CACHD1: variants seen among roughly 807,000 people sequenced by gnomAD.
CACHD1 encodes the protein cache domain containing 1, also known as VWFA and cache domain-containing protein 1.
In CACHD1, 71 loss-of-function variants were observed where a neutral mutation model predicts 138.7. That is an observed-to-expected ratio of 0.51 (90% CI 0.42 to 0.62). The LOEUF (loss-of-function observed/expected upper bound fraction) is 0.62. Among genes scored for constraint, CACHD1 ranks in the 20% least tolerant of loss-of-function variants. The pLI is 0.00. For missense variants in CACHD1, 1,389 were observed against 1,625.3 expected (o/e 0.85, Z 2.50); for synonymous variants, 578 against 591.5 (o/e 0.98, Z 0.33).
At chr1:64,656,811 C>A (rs1649277328) in intron 12 of CACHD1, among the ~76,000 whole-genome samples, 1 of 151,414 alleles carries the variant, frequency 6.6e-6, no homozygotes, top group African/African-American at 2.4e-5. Flanking sequence ...AAAGGCTAGG[C>A]TGGTTACCCA....
In CACHD1 at chr1:64,470,964, C is replaced by G. The variant is rs1443566335; in HGVS notation, c.198+22C>G. ...GCAGGTAAGTGGCCCCCGAGCTGGC[C>G]AGACATCCCGCCTTTCTCCTTTGCT... On this transcript the variant is annotated intron_variant, in intron 1 of 26. Transcript: ENST00000651257. This position sits in a 1 kb window ranked among gnomAD's most constrained non-coding sequence, Gnocchi z 5.2. The G allele has an allele frequency of 6.4e-7, 1 of 1,572,150 alleles. No individual in the cohort carries two copies. The highest frequency in any genetic ancestry group is 8.6e-7 in the Non-Finnish European group (1 of 1,157,420).
intron 24 of CACHD1, among the ~76,000 whole-genome samples, chr1:64,680,755 A>C (rs1461457829): frequency 6.6e-6 from 1 of 152,172 alleles, no homozygotes; most frequent in African/African-American, 2.4e-5. Flanking sequence ...ATGTTAAAGC[A>C]TTTCACTATG....
intron 7 of CACHD1, among the ~76,000 whole-genome samples, chr1:64,638,873 A>G (rs1192747953): frequency 6.6e-6 from 1 of 152,188 alleles, no homozygotes; most frequent in Non-Finnish European, 1.5e-5. Flanking sequence ...GACAGATCTG[A>G]TAAGAATGGA....
intron 8 of CACHD1, among the ~76,000 whole-genome samples, chr1:64,644,241 TA>T (rs1342954951): frequency 1.3e-5 from 2 of 152,050 alleles, no homozygotes; most frequent in Non-Finnish European, 2.9e-5. Context: ...TCATGAGAGG[TA>T]GGAAGGGTGG....
chr1:64,661,367 A>G (rs1314132486), intron 13 of CACHD1, among the ~76,000 whole-genome samples: 1 of 152,180 alleles, frequency 6.6e-6, no homozygotes, highest in African/African-American at 2.4e-5. Flanking sequence ...CCTCCTAGAC[A>G]CAAAGCTTTG....
chr1:64,622,851 T>G (rs1647964766), intron 4 of CACHD1, among the ~76,000 whole-genome samples: 1 of 152,238 alleles, frequency 6.6e-6, no homozygotes, highest in Non-Finnish European at 1.5e-5. Context: ...AAAACAGTTT[T>G]ATTGAAGTAT....
At chr1:64,639,621 G>A (rs1335559325) in intron 7 of CACHD1, among the ~76,000 whole-genome samples, 1 of 152,152 alleles carries the variant, frequency 6.6e-6, no homozygotes, top group African/African-American at 2.4e-5. Context: ...AGTTATCTAT[G>A]ACATTCATAT....
chr1:64,576,903 G>T (rs1268242338), intron 2 of CACHD1, among the ~76,000 whole-genome samples: 6 of 147,896 alleles, frequency 4.1e-5, no homozygotes, highest in African/African-American at 7.4e-5. Flanking sequence ...GGGTTTGTTT[G>T]TTTGTTTTTT....
chr1:64,499,463 G>A (rs1646325192), intron 1 of CACHD1, among the ~76,000 whole-genome samples: 1 of 152,204 alleles, frequency 6.6e-6, no homozygotes, highest in Non-Finnish European at 1.5e-5. Context: ...GAGCTCAGTA[G>A]AACTTTTGCC....
chr1:64,663,334 C>T (rs763350363), intron 13 of CACHD1, among the ~76,000 whole-genome samples: 4 of 152,086 alleles, frequency 2.6e-5, no homozygotes, highest in South Asian at 2.1e-4. Context: ...AGGTGGATCA[C>T]GAGGTCAGGA....
chr1:64,507,122 T>C (rs1368246285), intron 1 of CACHD1, among the ~76,000 whole-genome samples: 1 of 152,254 alleles, frequency 6.6e-6, no homozygotes, highest in African/African-American at 2.4e-5. Flanking sequence ...GTTTCACACA[T>C]CATGCTTTGA....
chr1:64,517,578 C>G (rs2100365084), intron 1 of CACHD1, among the ~76,000 whole-genome samples: 1 of 152,170 alleles, frequency 6.6e-6, no homozygotes, highest in South Asian at 2.1e-4. Flanking sequence ...CTGGGCAGAG[C>G]TTGGCCCAGT....
intron 2 of CACHD1, among the ~76,000 whole-genome samples, chr1:64,579,675 A>T (rs773353155): frequency 2.6e-5 from 4 of 152,114 alleles, no homozygotes; most frequent in Admixed American, 2.6e-4. Flanking sequence ...AAAAATAAGT[A>T]TGTTTTAAAA....
intron 2 of CACHD1, among the ~76,000 whole-genome samples, chr1:64,560,461 C>G (rs1404718499): frequency 7.3e-5 from 11 of 151,630 alleles, no homozygotes; most frequent in Non-Finnish European, 1.2e-4. Flanking sequence ...AAATTTTGAC[C>G]CATGGATTTT....
At chr1:64,677,466 A>G (rs1036460343) in intron 22 of CACHD1, among the ~76,000 whole-genome samples, 2 of 152,214 alleles carry the variant, frequency 1.3e-5, no homozygotes, top group African/African-American at 2.4e-5. Flanking sequence ...ACTAGACATT[A>G]TGGAAATAGT....
At chr1:64,531,399 A>G (rs1042603648) in intron 1 of CACHD1, among the ~76,000 whole-genome samples, 2 of 152,200 alleles carry the variant, frequency 1.3e-5, no homozygotes, top group African/African-American at 4.8e-5. Context: ...AATCCCAGCA[A>G]ACATCTAATT....
chr1:64,550,193 A>G (rs1646748231), intron 1 of CACHD1, among the ~76,000 whole-genome samples: 1 of 152,246 alleles, frequency 6.6e-6, no homozygotes, highest in Non-Finnish European at 1.5e-5. Context: ...GAATATGGAA[A>G]GAATCCCTTT....
At chr1:64,528,205 T>A (rs1306552030) in intron 1 of CACHD1, among the ~76,000 whole-genome samples, 1 of 152,220 alleles carries the variant, frequency 6.6e-6, no homozygotes, top group African/African-American at 2.4e-5. Context: ...AAGACCTTTT[T>A]CTTTACTGTT....
At chr1:64,618,369 G>A (rs964177532) in intron 4 of CACHD1, among the ~76,000 whole-genome samples, 9 of 151,746 alleles carry the variant, frequency 5.9e-5, no homozygotes, top group African/African-American at 1.9e-4. Flanking sequence ...CCACAATAGT[G>A]TGGTCCCAGG....
Sources: gnomAD v4.1 joint callset for allele counts (sites outside exome capture counted in the v4.1 genomes callset) on GRCh38, gnomAD v4.1.1 for gene constraint, Gnocchi (gnomAD v3.1) non-coding constraint, MANE v1.5 for transcripts, NCBI Gene and HGNC (gene_info 2026-07-23, HGNC 2026-07-21) for gene names.